Variants in RPS15 observed in about 807,000 individuals in gnomAD.
RPS15 encodes ribosomal protein S15.
RPS15 carries 5 observed loss-of-function variants against 14.9 expected under a neutral mutation model. That is an observed-to-expected ratio of 0.34 (90% CI 0.18 to 0.70). The LOEUF is 0.70. RPS15 is among the 30% of genes least tolerant of loss of function. The pLI is 0.65. For synonymous variants in RPS15, 103 were observed against 85.0 expected (o/e 1.21, Z -1.16); for missense variants, 102 against 204.2 (o/e 0.50, Z 3.05).
Position 1,438,923 on chromosome 19 carries a change from G to T in RPS15, c.89+31G>T. On this transcript the variant is annotated intron_variant, in intron 2 of 3. Transcript: ENST00000592588. The surrounding 1 kb of genome is among the most constrained non-coding windows in gnomAD (Gnocchi z 4.8). ...GGCGGCCGCGGGGGTCGCGGGCAGG[G>T]GCTGGGCCAGCGGTGGGGCTTGTCC... 1 of 1,545,234 alleles carries T rather than the reference G, an allele frequency of 6.5e-7. No homozygotes were observed. Among genetic ancestry groups the T allele is most frequent in the Non-Finnish European group, 8.8e-7 (1 of 1,142,722 alleles).
chr19:1,440,012 T>G lies in RPS15; in HGVS notation c.90-7T>G. The stretch of plus-strand genomic sequence containing the variant: ...GCTCACAAAACTGCCTGGTGCATCC[T>G]CCCCAGCGAGCAGCTGATGCAGCTG... On this transcript the variant is annotated splice_polypyrimidine_tract_variant and splice_region_variant and intron_variant, in intron 2 of 3. Coordinates refer to ENST00000592588, the MANE Select transcript of RPS15 (RefSeq NM_001018.5). 1 of 1,546,038 alleles carries G rather than the reference T, an allele frequency of 6.5e-7. No homozygotes were observed. The highest frequency in any genetic ancestry group is 2.4e-5 in the East Asian group (1 of 41,018).
intron 2 of RPS15, 122 bp from the exon 3 acceptor site, chr19:1,439,897 G>A (rs995215656): frequency 2.4e-6 from 2 of 822,940 alleles, no homozygotes; most frequent in African/African-American, 3.4e-5. Context: ...ACAATGGACA[G>A]TGACAGGTCC....
Position 1,438,958 on chromosome 19 carries a change from C to A in RPS15, c.89+66C>A. ...GCGGTGGGGCTTGTCCGGGTGAGGG[C>A]GGCGGGGCGGGGGTCCAAGCGCCTC... On this transcript the variant is annotated intron_variant, in intron 2 of 3. Coordinates refer to ENST00000592588, the MANE Select transcript of RPS15 (RefSeq NM_001018.5). The surrounding 1 kb of genome is among the most constrained non-coding windows in gnomAD (Gnocchi z 4.8). The A allele has an allele frequency of 1.4e-5, 12 of 833,998 alleles. No individual in the cohort carries two copies. Among genetic ancestry groups the A allele is most frequent in the Non-Finnish European group, 2.0e-5 (11 of 552,974 alleles). 51.7% of individuals were successfully genotyped at this position (833,998 alleles called of 1,614,324 possible). A position where few individuals can be genotyped will look rare whatever the true frequency, so the allele number is the denominator to read the frequency against.
chr19:1,440,041 A>G lies in RPS15; in HGVS notation c.112A>G (p.Ser38Gly), dbSNP rs1286935142. 9.6e-6 allele frequency: 15 copies of G among 1,554,672 alleles called. No homozygotes were observed. Among genetic ancestry groups the G allele is most frequent in the South Asian group, 3.6e-5 (3 of 84,372 alleles). ...CAGCGAGCAGCTGATGCAGCTGTAC[A>G]GTGCGCGCCAGCGGCGGCGGCTGAA... ...MSYEQLMQLYSARQRRRLNRG... is the reference protein window; with the variant it reads ...MSYEQLMQLYGARQRRRLNRG... Residue 38 changes from serine to glycine, a missense_variant, in exon 3 of 4, where the codon AGT (serine) becomes GGT (glycine). Around this residue, in one of 2 missense-constraint regions of RPS15, gnomAD observed 70 missense variants for 96.8 expected, o/e 0.72. Coordinates refer to ENST00000592588, the MANE Select transcript of RPS15 (RefSeq NM_001018.5).
chr19:1,439,974 C>T (rs777243091), intron 2 of RPS15, 45 bp from the exon 3 acceptor site: 24 of 1,492,174 alleles, frequency 1.6e-5, no homozygotes. Flanking sequence ...GTAGGGTCTC[C>T]CCAGGCCGGG....
Position 1,438,620 on chromosome 19 carries a change from G to T in RPS15, c.4-187G>T, listed in dbSNP as rs912301321. ...GACGCGGGGCTGGGAAGGCCTGTCCGGGCCTTCATGTCCGGGTCCTCGTAA... is the reference window on the plus strand; with the variant it reads ...GACGCGGGGCTGGGAAGGCCTGTCCTGGCCTTCATGTCCGGGTCCTCGTAA... On this transcript the variant is annotated intron_variant, in intron 1 of 3. Transcript: ENST00000592588. The surrounding 1 kb of genome is among the most constrained non-coding windows in gnomAD (Gnocchi z 4.8). The T allele has an allele frequency of 6.5e-7, 1 of 1,533,898 alleles. No homozygotes were observed. The highest frequency in any genetic ancestry group is 2.0e-5 in the Admixed American group (1 of 50,134).
In RPS15 at chr19:1,438,521, C is replaced by T. The variant is rs771760968; in HGVS notation, c.3+93C>T. Reference sequence around the variant, plus strand: ...CGGGGGCCGCAGTTCGTCCCCGCGGCTACGGCGGCTTGCTCCCGACCCTGC... The same window carrying T: ...CGGGGGCCGCAGTTCGTCCCCGCGGTTACGGCGGCTTGCTCCCGACCCTGC... On this transcript the variant is annotated intron_variant, in intron 1 of 3. Transcript: ENST00000592588. This position sits in a 1 kb window ranked among gnomAD's most constrained non-coding sequence, Gnocchi z 4.8. 7 of 1,604,976 alleles carry T rather than the reference C, an allele frequency of 4.4e-6. No individual in the cohort carries two copies. In the Admixed American group the frequency reaches 1.2e-4, roughly 27 times the overall value.
chr19:1,439,876 T>C, intron 2 of RPS15, 143 bp from the exon 3 acceptor site: 2 of 743,336 alleles, frequency 2.7e-6, no homozygotes, highest in South Asian at 3.0e-5. Context: ...GGCGTGTTCA[T>C]TGTAGTCACT....
chr19:1,439,728 CGAGCTGT>C (rs1281666250), intron 2 of RPS15: 2 of 595,166 alleles, frequency 3.4e-6, no homozygotes, highest in African/African-American at 3.7e-5. Context: ...GCCTTTGGCC[CGAGCTGT>C]ACGCTGCAGC....
In RPS15 at chr19:1,438,620, G is replaced by A. The variant is rs912301321; in HGVS notation, c.4-187G>A. On this transcript the variant is annotated intron_variant, in intron 1 of 3. Coordinates refer to ENST00000592588, the MANE Select transcript of RPS15 (RefSeq NM_001018.5). The surrounding 1 kb of genome is among the most constrained non-coding windows in gnomAD (Gnocchi z 4.8). ...GACGCGGGGCTGGGAAGGCCTGTCCGGGCCTTCATGTCCGGGTCCTCGTAA... is the reference window on the plus strand; with the variant it reads ...GACGCGGGGCTGGGAAGGCCTGTCCAGGCCTTCATGTCCGGGTCCTCGTAA... The A allele has an allele frequency of 2.6e-6, 4 of 1,533,780 alleles. No individual in the cohort carries two copies. Among genetic ancestry groups the A allele is most frequent in the South Asian group, 1.2e-5 (1 of 82,358 alleles).
rs753589464 is a variant in RPS15 at position 1,440,148 on chromosome 19, G to A, written c.219G>A (p.Pro73=). 108 of 1,611,738 alleles carry A rather than the reference G, an allele frequency of 6.7e-5. No individual in the cohort carries two copies. The highest frequency in any genetic ancestry group is 8.7e-5 in the Non-Finnish European group (103 of 1,179,242). ...AGGAGGCGCCGCCCATGGAGAAGCC[G>A]GAAGTGGTGAAGACGCACCTGCGGG... ...AKKEAPPMEK[P]EVVKTHLRDM... is the part of the protein sequence containing the mutation. The change falls in exon 3 of 4, where the codon CCG becomes CCA. Residue 73 remains proline, a synonymous_variant. Transcript: ENST00000592588.
At chr19:1,439,414 C>A (rs1040994352) in intron 2 of RPS15, 2 of 178,236 alleles carry the variant, frequency 1.1e-5, no homozygotes, top group African/African-American at 4.8e-5. Flanking sequence ...AGGGCCCCCC[C>A]ACCACGTCCG....
intron 2 of RPS15, chr19:1,439,645 T>C: frequency 1.9e-6 from 1 of 536,214 alleles, no homozygotes; most frequent in Non-Finnish European, 3.3e-6. Flanking sequence ...CCCTCCCGCC[T>C]CAACCTCCCG....
intron 2 of RPS15, 109 bp downstream of exon 2, chr19:1,439,001 A>C: frequency 2.4e-6 from 2 of 843,348 alleles, no homozygotes; most frequent in Non-Finnish European, 3.6e-6. Context: ...GTGGGCGGGC[A>C]CGGTCTCCGC....
chr19:1,438,399 A>T lies in RPS15; in HGVS notation c.-27A>T. 6.2e-7 allele frequency: 1 copy of T among 1,613,330 alleles called. No homozygotes were observed. The highest frequency in any genetic ancestry group is 8.5e-7 in the Non-Finnish European group (1 of 1,179,850). Reference sequence around the variant, plus strand: ...CGATAACTGCGCAGGCGCGGACCAAAGCGATCTCTTCTGAGGATCCGGCAA... The same window carrying T: ...CGATAACTGCGCAGGCGCGGACCAATGCGATCTCTTCTGAGGATCCGGCAA... On this transcript the variant is annotated 5_prime_UTR_variant, in exon 1 of 4. It adds an upstream start codon to the 5' untranslated region. Transcript: ENST00000592588. The surrounding 1 kb of genome is among the most constrained non-coding windows in gnomAD (Gnocchi z 4.8).
Position 1,438,454 on chromosome 19 carries a change from C to T in RPS15, c.3+26C>T, listed in dbSNP as rs1413470970. On this transcript the variant is annotated intron_variant, in intron 1 of 3. Transcript: ENST00000592588. This position sits in a 1 kb window ranked among gnomAD's most constrained non-coding sequence, Gnocchi z 4.8. ...GTGAGTGTTGCGATTTGGCGCGTCT[C>T]TGCCGGGCCTATCCGGCTCCATCCA... 2 of 1,613,342 alleles carry T rather than the reference C, an allele frequency of 1.2e-6. No homozygotes were observed. Among genetic ancestry groups the T allele is most frequent in the East Asian group, 2.2e-5 (1 of 44,862 alleles).
Position 1,438,649 on chromosome 19 carries a change from G to A in RPS15, c.4-158G>A. On this transcript the variant is annotated intron_variant, in intron 1 of 3. Transcript: ENST00000592588. This position sits in a 1 kb window ranked among gnomAD's most constrained non-coding sequence, Gnocchi z 4.8. ...CTTCATGTCCGGGTCCTCGTAACCC[G>A]GAGCCGCGAGTGATCCCCGGGGACG... is the stretch of plus-strand genomic sequence containing the variant. 2.0e-6 allele frequency: 3 copies of A among 1,532,268 alleles called. No homozygotes were observed. Among genetic ancestry groups the A allele is most frequent in the Non-Finnish European group, 2.6e-6 (3 of 1,134,874 alleles). The allele number at this position is 1,532,268 out of a possible 1,614,324, so 94.9% of individuals were successfully genotyped here.
chr19:1,440,285 G>A (rs367755975), intron 3 of RPS15, 32 bp downstream of exon 3: 2 of 1,611,954 alleles, frequency 1.2e-6, no homozygotes, highest in South Asian at 1.1e-5. Flanking sequence ...GGCTGGGGTG[G>A]GCTGGGGTCG....
At position 1,438,924 on chromosome 19, in the gene RPS15, G is replaced by T. The variant is rs1291593233; in HGVS notation, c.89+32G>T. 2 of 1,543,554 alleles carry T rather than the reference G, an allele frequency of 1.3e-6. No individual in the cohort carries two copies. Among genetic ancestry groups the T allele is most frequent in the South Asian group, 2.4e-5 (2 of 84,476 alleles). ...GCGGCCGCGGGGGTCGCGGGCAGGG[G>T]CTGGGCCAGCGGTGGGGCTTGTCCG... On this transcript the variant is annotated intron_variant, in intron 2 of 3. Transcript: ENST00000592588. The surrounding 1 kb of genome is among the most constrained non-coding windows in gnomAD (Gnocchi z 4.8).
Sources: gnomAD v4.1 joint callset for allele counts on GRCh38, gnomAD v4.1.1 for gene constraint, gnomAD v4.1.1 regional missense constraint, Gnocchi (gnomAD v3.1) non-coding constraint, MANE v1.5 for transcripts, NCBI Gene and HGNC (gene_info 2026-07-23, HGNC 2026-07-21) for gene names.